TSNARE1: variants seen among roughly 807,000 people sequenced by gnomAD.
TSNARE1 encodes the protein t-SNARE domain containing 1.
Under a neutral mutation model 62.0 loss-of-function variants are expected in TSNARE1, and 49 were observed. The observed-to-expected ratio is 0.79, with a 90% confidence interval of 0.63 to 1.00. The LOEUF (loss-of-function observed/expected upper bound fraction) is 1.00, where lower values mean the gene tolerates loss of function less well. Ranked by LOEUF, TSNARE1 falls within the 50% of genes least tolerant of loss-of-function variation. The pLI is 0.00. For synonymous variants in TSNARE1, 328 were observed against 294.4 expected (o/e 1.11, Z -1.17); for missense variants, 755 against 700.1 (o/e 1.08, Z -0.88).
chr8:142,347,849 G>A (rs1470966445), intron 2 of TSNARE1, among the ~76,000 whole-genome samples: 2 of 150,506 alleles, frequency 1.3e-5, no homozygotes, highest in East Asian at 2.0e-4. Flanking sequence ...CCATCACCTC[G>A]CCACACTGCA....
intron 9 of TSNARE1, among the ~76,000 whole-genome samples, chr8:142,311,010 G>A (rs68023786): frequency 0.23 from 34,498 of 151,664 alleles, 4,491 homozygotes; most frequent in African/African-American, 0.35. Flanking sequence ...CACCACACCC[G>A]ACAAAAATTA....
chr8:142,329,539 T>C (rs2131978964), intron 6 of TSNARE1, among the ~76,000 whole-genome samples: 1 of 152,192 alleles, frequency 6.6e-6, no homozygotes, highest in Middle Eastern at 3.4e-3. Context: ...CCCACCACAC[T>C]GAAGAGACGG....
chr8:142,360,396 C>T (rs552193540), intron 1 of TSNARE1, among the ~76,000 whole-genome samples: 29 of 152,284 alleles, frequency 1.9e-4, no homozygotes, highest in African/African-American at 7.0e-4. Context: ...CCATTCGCAG[C>T]CCCGCTGAGC....
At chr8:142,271,650 G>A in intron 12 of TSNARE1, 3 of 1,404,312 alleles carry the variant, frequency 2.1e-6, no homozygotes, top group Non-Finnish European at 2.8e-6. Context: ...AGGGACCTCA[G>A]GGGCAGCCAC....
intron 12 of TSNARE1, among the ~76,000 whole-genome samples, chr8:142,238,186 G>T (rs1192275715): frequency 1.3e-5 from 2 of 152,064 alleles, no homozygotes; most frequent in Non-Finnish European, 2.9e-5. Flanking sequence ...GGGTCTCCAG[G>T]ACCCCGGCCT....
chr8:142,317,285 C>A (rs541956073), intron 7 of TSNARE1, among the ~76,000 whole-genome samples: 5 of 149,098 alleles, frequency 3.4e-5, no homozygotes, highest in African/African-American at 1.2e-4. Context: ...TCACACTGTA[C>A]GCGTGAAGCG....
intron 9 of TSNARE1, among the ~76,000 whole-genome samples, chr8:142,310,027 T>C (rs1245889568): frequency 1.3e-5 from 2 of 150,922 alleles, no homozygotes; most frequent in Non-Finnish European, 2.9e-5. Flanking sequence ...CATCCCTGCG[T>C]TTTTCTTTTT....
At chr8:142,324,625 T>G (rs909394189) in intron 6 of TSNARE1, among the ~76,000 whole-genome samples, 26 of 152,222 alleles carry the variant, frequency 1.7e-4, no homozygotes, top group African/African-American at 6.0e-4. Context: ...TTTACTCCCA[T>G]GACCACCTGT....
intron 12 of TSNARE1, chr8:142,269,418 TAA>T (rs1475453559): frequency 6.9e-5 from 68 of 985,206 alleles, no homozygotes; most frequent in Middle Eastern, 1.0e-3. Context: ...GTGTCCAGGT[TAA>T]GACTGTAACG....
intron 10 of TSNARE1, among the ~76,000 whole-genome samples, chr8:142,290,517 T>C (rs1016966382): frequency 5.9e-5 from 9 of 152,232 alleles, no homozygotes; most frequent in Non-Finnish European, 1.3e-4. Context: ...TGCCTGTGTG[T>C]TCCCTTCACT....
At chr8:142,301,185 G>A (rs1224943211) in intron 9 of TSNARE1, among the ~76,000 whole-genome samples, 3 of 143,980 alleles carry the variant, frequency 2.1e-5, no homozygotes, top group Admixed American at 6.9e-5. Flanking sequence ...ATGCCAGCGG[G>A]CCTTCCTTCC....
chr8:142,338,512 C>CAACCACTGGGCAAGCTGACAGGCTGCCTG (rs2129917924), intron 4 of TSNARE1, among the ~76,000 whole-genome samples: 3 of 120,708 alleles, frequency 2.5e-5, no homozygotes, highest in East Asian at 2.8e-4. Flanking sequence ...CAGGCTGCCT[C>CAACCACTGGGCAAGCTGACAGGCTGCCTG]GACCACTGGG....
intron 1 of TSNARE1, among the ~76,000 whole-genome samples, chr8:142,394,424 C>G (rs1379080726): frequency 6.6e-6 from 1 of 152,188 alleles, no homozygotes; most frequent in Non-Finnish European, 1.5e-5. Context: ...TCAGAAAACA[C>G]CAAGTGAAAC....
chr8:142,360,942 G>A (rs528365815), intron 1 of TSNARE1, among the ~76,000 whole-genome samples: 4 of 152,294 alleles, frequency 2.6e-5, no homozygotes, highest in Non-Finnish European at 5.9e-5. Context: ...AGGGGGCCAG[G>A]CCCCCACACA....
chr8:142,229,861 G>C (rs967054206), intron 12 of TSNARE1, among the ~76,000 whole-genome samples: 3 of 152,180 alleles, frequency 2.0e-5, no homozygotes, highest in Non-Finnish European at 4.4e-5. Flanking sequence ...TGTGATTCAT[G>C]CTTTGTCCAT....
At chr8:142,309,116 A>G (rs1038458862) in intron 9 of TSNARE1, among the ~76,000 whole-genome samples, 7 of 152,174 alleles carry the variant, frequency 4.6e-5, no homozygotes, top group African/African-American at 1.7e-4. Context: ...CAGCATACAC[A>G]ATGTCTTCTT....
intron 12 of TSNARE1, among the ~76,000 whole-genome samples, chr8:142,243,695 A>T (rs376830801): frequency 2.3e-4 from 35 of 152,130 alleles, no homozygotes; most frequent in African/African-American, 7.7e-4. Flanking sequence ...CAGCATGGTA[A>T]CTCTAGTGAA....
At chr8:142,326,117 GC>G (rs1830197533) in intron 6 of TSNARE1, 1 of 184,048 alleles carries the variant, frequency 5.4e-6, no homozygotes, top group Non-Finnish European at 1.1e-5. Flanking sequence ...GAAGGGGAGG[GC>G]CCCGGAGACC....
chr8:142,256,259 C>CTGTCACCACCAT (rs1818543397), intron 12 of TSNARE1, among the ~76,000 whole-genome samples: 1 of 114,004 alleles, frequency 8.8e-6, no homozygotes, highest in African/African-American at 3.2e-5. Flanking sequence ...ACCATCATCA[C>CTGTCACCACCAT]CATCACCATC....
Sources: allele counts gnomAD v4.1 joint callset (sites outside exome capture counted in the v4.1 genomes callset), GRCh38; gene constraint gnomAD v4.1.1; transcripts MANE v1.5; gene names NCBI Gene and HGNC (gene_info 2026-07-23, HGNC 2026-07-21).